UNC13C: variants seen among roughly 807,000 people sequenced by gnomAD.
The protein encoded by UNC13C is unc-13 homolog C.
In UNC13C, 174 loss-of-function variants were observed where a neutral mutation model predicts 245.4. The observed-to-expected ratio is 0.71, with a 90% CI of 0.63 to 0.80. The LOEUF (loss-of-function observed/expected upper bound fraction) is 0.80. UNC13C is among the 30% of genes least tolerant of loss of function. The pLI is 0.00. For missense variants in UNC13C, 2,829 were observed against 2,602.9 expected (o/e 1.09, Z -1.89); for synonymous variants, 992 against 895.1 (o/e 1.11, Z -1.93).
intron 17 of UNC13C, among the ~76,000 whole-genome samples, chr15:54,354,604 C>G (rs922506731): frequency 6.6e-6 from 1 of 152,120 alleles, no homozygotes; most frequent in Non-Finnish European, 1.5e-5. Context: ...TGGAAATGTA[C>G]TTCATTGTGC....
chr15:54,344,728 T>C (rs1322432313), intron 17 of UNC13C, among the ~76,000 whole-genome samples: 1 of 152,164 alleles, frequency 6.6e-6, no homozygotes, highest in South Asian at 2.1e-4. Context: ...CTTTTTGTCT[T>C]ATAGCATACG....
At chr15:54,171,515 T>C (rs2033397613) in intron 4 of UNC13C, among the ~76,000 whole-genome samples, 1 of 152,108 alleles carries the variant, frequency 6.6e-6, no homozygotes, top group African/African-American at 2.4e-5. Flanking sequence ...CTCAATGTCA[T>C]TGATCACCAG....
intron 4 of UNC13C, among the ~76,000 whole-genome samples, chr15:54,155,345 T>C (rs2032697194): frequency 6.6e-6 from 1 of 152,214 alleles, no homozygotes. Flanking sequence ...GCCATTTGAA[T>C]CCAAAACTGG....
chr15:54,096,140 G>T (rs1899849757), intron 2 of UNC13C, among the ~76,000 whole-genome samples: 1 of 152,110 alleles, frequency 6.6e-6, no homozygotes, highest in African/African-American at 2.4e-5. Flanking sequence ...TGAAATGAGG[G>T]GGTCACTTTG....
intron 4 of UNC13C, among the ~76,000 whole-genome samples, chr15:54,170,502 T>G (rs540542831): frequency 6.6e-6 from 1 of 152,290 alleles, no homozygotes; most frequent in South Asian, 2.1e-4. Context: ...CGTGTGGTAC[T>G]GAGAGACTGT....
chr15:54,481,878 A>T (rs12915430), intron 19 of UNC13C, among the ~76,000 whole-genome samples: 6 of 151,878 alleles, frequency 4.0e-5, no homozygotes, highest in Non-Finnish European at 8.8e-5. Context: ...TATAGGCAGC[A>T]GTGGTGATGT....
chr15:54,127,400 T>G (rs915862041), intron 2 of UNC13C, among the ~76,000 whole-genome samples: 4 of 152,088 alleles, frequency 2.6e-5, no homozygotes, highest in Non-Finnish European at 5.9e-5. Context: ...TTCATGACCT[T>G]TGCAGGGACA....
In UNC13C at chr15:54,297,850, G is replaced by A. The variant is rs770064369; in HGVS notation, c.4028G>A (p.Arg1343Gln). The change falls in exon 12 of 33, where the codon CGA (arginine) becomes CAA (glutamine). Residue 1343 changes from arginine to glutamine, a missense_variant. Transcript: ENST00000260323. ...TDKSAVSGAI[R>Q]LKINVEIKGE... ...AAGTCAGCTGTATCTGGGGCCATAC[G>A]ATTGAAAATCAATGTGGAGATAAAA... is the stretch of plus-strand genomic sequence containing the variant. 1.9e-6 allele frequency: 3 copies of A among 1,610,854 alleles called. No individual in the cohort carries two copies. Among genetic ancestry groups the A allele is most frequent in the South Asian group, 1.1e-5 (1 of 89,994 alleles).
the UNC13C span, among the ~76,000 whole-genome samples, chr15:53,849,192 A>G: frequency 1.3e-5 from 2 of 151,926 alleles, no homozygotes; most frequent in Admixed American, 1.3e-4. Context: ...CATTTTGAAC[A>G]TTTAAAATTA....
At position 54,627,299 on chromosome 15, in the gene UNC13C, C is replaced by G. The variant is rs989850327; in HGVS notation, c.*186C>G. ...TCTGGTCTTTGGGAAATCAGTGTTCCATGAAGTGCCAAAATTATGATGTAA... is the reference window on the plus strand; with the variant it reads ...TCTGGTCTTTGGGAAATCAGTGTTCGATGAAGTGCCAAAATTATGATGTAA... On this transcript the variant is annotated 3_prime_UTR_variant, in exon 33 of 33. Transcript: ENST00000260323. 6.0e-6 allele frequency: 3 copies of G among 501,526 alleles called. No homozygotes were observed. The Admixed American group carries it at 1.1e-4, about 18-fold the overall frequency. The allele number at this position is 501,526 out of a possible 1,614,324, so 31.1% of individuals were successfully genotyped here. A position where few individuals can be genotyped will look rare whatever the true frequency, so the allele number is the denominator to read the frequency against.
chr15:53,996,559 A>C (rs1049009370), intron 1 of UNC13C, among the ~76,000 whole-genome samples: 2 of 152,180 alleles, frequency 1.3e-5, no homozygotes, highest in Non-Finnish European at 2.9e-5. Context: ...AAATGAAAAC[A>C]CTTAACCACT....
At chr15:54,192,294 A>C (rs2034211254) in intron 4 of UNC13C, among the ~76,000 whole-genome samples, 1 of 151,842 alleles carries the variant, frequency 6.6e-6, no homozygotes, top group Non-Finnish European at 1.5e-5. Context: ...AGTCTTTGTG[A>C]CTATCATGTA....
chr15:54,219,042 C>A (rs1315673733), intron 4 of UNC13C, among the ~76,000 whole-genome samples: 1 of 151,972 alleles, frequency 6.6e-6, no homozygotes, highest in Non-Finnish European at 1.5e-5. Flanking sequence ...TTTATAGATT[C>A]AATGCCATCC....
chr15:54,628,215 A>G lies in UNC13C; in HGVS notation c.*1102A>G, dbSNP rs934450317. The G allele has an allele frequency of 6.6e-6, 1 of 150,434 alleles. No homozygotes were observed. The highest frequency in any genetic ancestry group is 1.5e-5 in the Non-Finnish European group (1 of 67,262). 9.3% of individuals were successfully genotyped at this position (150,434 alleles called of 1,614,324 possible). ...AAAATATAGCTAAGTTGGTTTTTGA[A>G]TATAAAACAGTTTATGAATATGTGC... On this transcript the variant is annotated 3_prime_UTR_variant, in exon 33 of 33. Transcript: ENST00000260323.
chr15:54,090,840 A>C (rs1384119987), intron 2 of UNC13C, among the ~76,000 whole-genome samples: 1 of 152,140 alleles, frequency 6.6e-6, no homozygotes, highest in Admixed American at 6.5e-5. Context: ...AGTTCTGGGA[A>C]GCATTAATGT....
rs180931052 is a variant in UNC13C, at chr15:54,188,613, C to T, written c.3071+44929C>T. Among the ~76,000 whole-genome samples the T allele has an allele frequency of 1.1e-3, 170 of 152,234 alleles. 4 individuals are homozygous for T. In the Middle Eastern group the frequency reaches 0.014, roughly 12 times the overall value. ...AAGCCGGATTGCTTTACTTCAGAGCCTAAGTTCTTAATAAGTACACTATTG... is the reference window on the plus strand; with the variant it reads ...AAGCCGGATTGCTTTACTTCAGAGCTTAAGTTCTTAATAAGTACACTATTG... On this transcript the variant is annotated intron_variant, in intron 4 of 32. Coordinates refer to ENST00000260323, the MANE Select transcript of UNC13C (RefSeq NM_001080534.3).
At chr15:54,216,327 A>G (rs1436095930) in intron 4 of UNC13C, among the ~76,000 whole-genome samples, 2 of 152,012 alleles carry the variant, frequency 1.3e-5, no homozygotes, top group Non-Finnish European at 2.9e-5. Context: ...TCAATTCTAT[A>G]ACTCAGATTA....
chr15:54,408,132 C>T (rs1024029609), intron 18 of UNC13C, among the ~76,000 whole-genome samples: 11 of 131,876 alleles, frequency 8.3e-5, no homozygotes, highest in Admixed American at 2.7e-4. Flanking sequence ...ACCCGAGAGG[C>T]GGAGTTGCAG....
chr15:54,323,530 C>G (rs1477131818), intron 14 of UNC13C, among the ~76,000 whole-genome samples: 1 of 151,930 alleles, frequency 6.6e-6, no homozygotes, highest in African/African-American at 2.4e-5. Flanking sequence ...TAAAAGATGG[C>G]AAGCCAGTTG....
Sources: gnomAD v4.1 joint callset for allele counts (sites outside exome capture counted in the v4.1 genomes callset) on GRCh38, gnomAD v4.1.1 for gene constraint, MANE v1.5 for transcripts, NCBI Gene and HGNC (gene_info 2026-07-23, HGNC 2026-07-21) for gene names.